DCT: variants seen among roughly 807,000 people sequenced by gnomAD.
The protein encoded by DCT is dopachrome tautomerase.
A neutral mutation model predicts 53.0 loss-of-function variants in DCT; 47 were observed. That is an observed-to-expected ratio of 0.89 (90% CI 0.70 to 1.13). DCT has a LOEUF of 1.13. Ranked by LOEUF, DCT falls within the 50% of genes most tolerant of loss-of-function variation. DCT has a pLI of 0.00. For missense variants in DCT, 669 were observed against 637.4 expected, an observed-to-expected ratio of 1.05 and a Z score of -0.53; for synonymous variants, 244 against 237.0, an observed-to-expected ratio of 1.03 and a Z score of -0.27.
chr13:94,502,380 G>T, the DCT span, among the ~76,000 whole-genome samples: 2 of 152,150 alleles, frequency 1.3e-5, no homozygotes, highest in Admixed American at 1.3e-4. Context: ...ATTCTGTGGT[G>T]GGGAAGGACA....
the DCT span, among the ~76,000 whole-genome samples, chr13:94,521,440 G>A: frequency 3.1e-3 from 473 of 152,366 alleles, 2 homozygotes; most frequent in African/African-American, 0.011. Context: ...GGAGGCCGAG[G>A]TGGGCGGATC....
chr13:94,451,988 G>A (rs1019960000), intron 6 of DCT, among the ~76,000 whole-genome samples: 3 of 151,848 alleles, frequency 2.0e-5, no homozygotes, highest in African/African-American at 7.3e-5. Flanking sequence ...CAGAAAAGGA[G>A]GTGCAAATGG....
upstream of DCT, among the ~76,000 whole-genome samples, chr13:94,482,737 T>C (rs1255400870): frequency 6.6e-6 from 1 of 152,250 alleles, no homozygotes; most frequent in Admixed American, 6.5e-5. Flanking sequence ...AGTGACTGGC[T>C]TTATACAAAT....
the DCT span, among the ~76,000 whole-genome samples, chr13:94,498,110 C>G: frequency 6.6e-6 from 1 of 152,228 alleles, no homozygotes; most frequent in African/African-American, 2.4e-5. Flanking sequence ...AGGAAGGGAA[C>G]AATCTTGGAT....
chr13:94,488,587 G>T, the DCT span, among the ~76,000 whole-genome samples: 2 of 151,984 alleles, frequency 1.3e-5, no homozygotes, highest in Non-Finnish European at 2.9e-5. Context: ...GGTGGTGCAT[G>T]CCTGTAGTCT....
At chr13:94,534,670 G>A in the DCT span, among the ~76,000 whole-genome samples, 5 of 152,212 alleles carry the variant, frequency 3.3e-5, no homozygotes, top group African/African-American at 9.6e-5. Context: ...GCTAAATCAA[G>A]TTTCTGCTCT....
At chr13:94,520,125 G>C in the DCT span, among the ~76,000 whole-genome samples, 2 of 152,068 alleles carry the variant, frequency 1.3e-5, no homozygotes, top group Non-Finnish European at 2.9e-5. Context: ...TAAAATTAGA[G>C]TCAATACAAT....
chr13:94,498,945 C>G, the DCT span, among the ~76,000 whole-genome samples: 1 of 152,074 alleles, frequency 6.6e-6, no homozygotes. Context: ...ATGCGCCAGT[C>G]AGCACTCTGT....
At chr13:94,466,322 G>A (rs998625000) in intron 3 of DCT, among the ~76,000 whole-genome samples, 2 of 151,912 alleles carry the variant, frequency 1.3e-5, no homozygotes, top group Non-Finnish European at 2.9e-5. Context: ...TATAGTTAAC[G>A]TTGTATTGTG....
At chr13:94,452,811 T>C (rs1883182257) in intron 6 of DCT, 1 of 466,268 alleles carries the variant, frequency 2.1e-6, no homozygotes, top group Non-Finnish European at 3.7e-6. Flanking sequence ...TGGAATAAGT[T>C]AAAAAAAAAG....
At chr13:94,536,407 C>T in the DCT span, among the ~76,000 whole-genome samples, 465 of 152,302 alleles carry the variant, frequency 3.1e-3, 2 homozygotes, top group African/African-American at 0.011. Context: ...TGTTTGTTCC[C>T]TCCAAATCTC....
chr13:94,474,771 C>T (rs1316376296), intron 1 of DCT, among the ~76,000 whole-genome samples: 1 of 152,162 alleles, frequency 6.6e-6, no homozygotes, highest in Non-Finnish European at 1.5e-5. Context: ...TAGAGAAGCT[C>T]TCTACAGAGA....
intron 6 of DCT, among the ~76,000 whole-genome samples, chr13:94,455,940 A>G (rs1212034936): frequency 6.6e-6 from 1 of 152,226 alleles, no homozygotes; most frequent in Non-Finnish European, 1.5e-5. Flanking sequence ...GTATGCTTTA[A>G]TAAATACTTA....
chr13:94,524,899 G>C, the DCT span, among the ~76,000 whole-genome samples: 1 of 152,092 alleles, frequency 6.6e-6, no homozygotes, highest in Non-Finnish European at 1.5e-5. Flanking sequence ...AATAAAAGGG[G>C]AAATTTGGAT....
chr13:94,516,031 A>AGCTTCTTGATGCT, the DCT span, among the ~76,000 whole-genome samples: 47,143 of 140,960 alleles, frequency 0.33, 8,555 homozygotes, highest in East Asian at 0.6. Flanking sequence ...CAGCAACTCA[A>AGCTTCTTGATGCT]GCCCCGCCCC....
chr13:94,533,497 G>C, the DCT span, among the ~76,000 whole-genome samples: 1 of 152,156 alleles, frequency 6.6e-6, no homozygotes, highest in African/African-American at 2.4e-5. Context: ...AAAGAAATGG[G>C]AGAAAGTCCA....
chr13:94,520,798 T>C, the DCT span, among the ~76,000 whole-genome samples: 2 of 152,240 alleles, frequency 1.3e-5, no homozygotes, highest in Non-Finnish European at 2.9e-5. Context: ...AGATGGAGTT[T>C]CTGGGACCAA....
chr13:94,466,908 T>A lies in DCT; in HGVS notation c.596-250A>T, dbSNP rs1594309205. 1.2e-5 allele frequency: 3 copies of A among 252,196 alleles called. No homozygotes were observed. The East Asian group carries it at 2.2e-4, about 19-fold the overall frequency. The allele number at this position is 252,196 out of a possible 1,614,324, so 15.6% of individuals were successfully genotyped here. ...GATTTCTAGCAGAGATCCAGGAAATTCAGGTGACTTTCAGGATTGGGAGCC... is the reference window on the plus strand; with the variant it reads ...GATTTCTAGCAGAGATCCAGGAAATACAGGTGACTTTCAGGATTGGGAGCC... On this transcript the variant is annotated intron_variant, in intron 2 of 7. Transcript: ENST00000377028.
chr13:94,533,049 A>C, the DCT span, among the ~76,000 whole-genome samples: 1 of 151,946 alleles, frequency 6.6e-6, no homozygotes, highest in East Asian at 1.9e-4. Flanking sequence ...TAAAATATTT[A>C]CTGGAAATGT....
Sources: gnomAD v4.1 joint callset for allele counts (sites outside exome capture counted in the v4.1 genomes callset) on GRCh38, gnomAD v4.1.1 for gene constraint, MANE v1.5 for transcripts, NCBI Gene and HGNC (gene_info 2026-07-23, HGNC 2026-07-21) for gene names.